The following CELF2 variants were observed in gnomAD, a reference collection of about 807,000 sequenced individuals.
CELF2 encodes the protein CUG triplet repeat RNA-binding protein 2.
Under a neutral mutation model 62.6 loss-of-function variants are expected in CELF2, and 8 were observed. The ratio of observed to expected loss-of-function variants is 0.13; its 90% CI spans 0.07 to 0.23. The LOEUF is 0.23. CELF2 is among the 10% of genes least tolerant of loss of function. CELF2 has a pLI of 1.00. For missense variants in CELF2, 333 were observed against 671.0 expected, an observed-to-expected ratio of 0.50 and a Z score of 5.56; for synonymous variants, 258 against 250.0, an observed-to-expected ratio of 1.03 and a Z score of -0.30.
At chr10:10,964,416 G>A (rs942214669) in intron 2 of CELF2, among the ~76,000 whole-genome samples, 9 of 152,068 alleles carry the variant, frequency 5.9e-5, no homozygotes, top group South Asian at 2.1e-4. Flanking sequence ...ATGTCATCTC[G>A]TGCCTTCAAA....
chr10:10,915,052 A>G (rs991101990), intron 1 of CELF2, among the ~76,000 whole-genome samples: 1 of 151,308 alleles, frequency 6.6e-6, no homozygotes, highest in Non-Finnish European at 1.5e-5. Context: ...GAAACACTTG[A>G]TCCTGGGAGG....
In CELF2 at chr10:11,008,740, A is replaced by G. The variant is rs564251275; in HGVS notation, c.53+3300A>G. Among the ~76,000 whole-genome samples the G allele has an allele frequency of 6.6e-6, 1 of 152,306 alleles. No individual in the cohort carries two copies. Among genetic ancestry groups the G allele is most frequent in the Non-Finnish European group, 1.5e-5 (1 of 68,008 alleles). The stretch of plus-strand genomic sequence containing the variant: ...GTATTTAAGGTGTCAGAATTCATAG[A>G]CGAAAAGCATACCTTGGTTTTGTCA... On this transcript the variant is annotated intron_variant, in intron 1 of 12. Coordinates refer to the CELF2 transcript ENST00000416382. The surrounding 1 kb of genome is among the most constrained non-coding windows in gnomAD (Gnocchi z 4.5).
At chr10:10,648,353 G>A in the CELF2 span, among the ~76,000 whole-genome samples, 10 of 152,142 alleles carry the variant, frequency 6.6e-5, no homozygotes, top group African/African-American at 2.4e-4. Flanking sequence ...GCCTTTACTA[G>A]GCTATAAAGT....
chr10:10,758,321 C>A, the CELF2 span, among the ~76,000 whole-genome samples: 3 of 152,184 alleles, frequency 2.0e-5, no homozygotes, highest in Non-Finnish European at 2.9e-5. Context: ...GCACCTTGGG[C>A]TCTTTTCATG....
chr10:11,001,409 C>T (rs2054505941), upstream of CELF2, among the ~76,000 whole-genome samples: 1 of 152,120 alleles, frequency 6.6e-6, no homozygotes, highest in South Asian at 2.1e-4. Context: ...ATGATACTTT[C>T]TATTACTTTT....
intron 1 of CELF2, among the ~76,000 whole-genome samples, chr10:11,116,231 G>C (rs1434722617): frequency 6.6e-6 from 1 of 152,218 alleles, no homozygotes; most frequent in Non-Finnish European, 1.5e-5. Flanking sequence ...AGTTGTAACT[G>C]TCAGTGAATG....
the CELF2 span, among the ~76,000 whole-genome samples, chr10:10,612,048 A>AC: frequency 6.6e-6 from 1 of 152,206 alleles, no homozygotes; most frequent in Non-Finnish European, 1.5e-5. Flanking sequence ...TGTGGCTCAC[A>AC]CAATCATTTG....
At chr10:10,572,308 G>C in the CELF2 span, among the ~76,000 whole-genome samples, 1 of 151,512 alleles carries the variant, frequency 6.6e-6, no homozygotes, top group Admixed American at 6.6e-5. Context: ...CAGGATTCAT[G>C]AAACAGTTTT....
At chr10:10,471,807 CTTTATA>C in the CELF2 span, among the ~76,000 whole-genome samples, 2 of 151,704 alleles carry the variant, frequency 1.3e-5, no homozygotes, top group South Asian at 2.1e-4. Flanking sequence ...AATTTTCTCA[CTTTATA>C]TTTATCTAAA....
In CELF2 at chr10:11,211,791, T is replaced by A. The variant is rs1019708625; in HGVS notation, c.272-5634T>A. 2.2e-5 allele frequency among the ~76,000 whole-genome samples: 3 copies of A among 135,664 alleles called. No individual in the cohort carries two copies. Among genetic ancestry groups the A allele is most frequent in the East Asian group, 2.2e-4 (1 of 4,522 alleles). 89.0% of individuals were successfully genotyped at this position (135,664 alleles called of 152,430 possible). On this transcript the variant is annotated intron_variant, in intron 2 of 12. Coordinates refer to ENST00000633077, the MANE Select transcript of CELF2 (RefSeq NM_001326342.2). The surrounding 1 kb of genome is among the most constrained non-coding windows in gnomAD (Gnocchi z 4.8). Reference sequence around the variant, plus strand: ...GAGTGAGAGTGTGTGTGTATGTGTGTGAGAGAGAGAGAGAGAGAGAGAGTG... The same window carrying A: ...GAGTGAGAGTGTGTGTGTATGTGTGAGAGAGAGAGAGAGAGAGAGAGAGTG...
chr10:10,802,616 T>C (rs1377589996), intron 1 of CELF2, among the ~76,000 whole-genome samples: 1 of 152,158 alleles, frequency 6.6e-6, no homozygotes, highest in Non-Finnish European at 1.5e-5. Flanking sequence ...GGTGTCTCCT[T>C]TACCCATGCA....
At chr10:10,735,010 C>T in the CELF2 span, among the ~76,000 whole-genome samples, 1 of 152,186 alleles carries the variant, frequency 6.6e-6, no homozygotes, top group African/African-American at 2.4e-5. Flanking sequence ...AAACCTTTTC[C>T]TGCCAGTTGT....
chr10:11,198,920 G>T (rs1166489378), intron 2 of CELF2, among the ~76,000 whole-genome samples: 1 of 152,190 alleles, frequency 6.6e-6, no homozygotes, highest in Non-Finnish European at 1.5e-5. Flanking sequence ...ATCACAGTCT[G>T]TCTTCAAACT....
chr10:10,697,651 A>T, the CELF2 span, among the ~76,000 whole-genome samples: 1 of 152,186 alleles, frequency 6.6e-6, no homozygotes, highest in Non-Finnish European at 1.5e-5. Context: ...CTGCATCCTC[A>T]CATGGCAAAA....
chr10:10,854,631 C>G (rs1333258902), intron 1 of CELF2, among the ~76,000 whole-genome samples: 3 of 152,026 alleles, frequency 2.0e-5, no homozygotes, highest in African/African-American at 7.2e-5. Flanking sequence ...CCAAATCCCT[C>G]TCTCCCCATT....
chr10:11,196,605 T>C (rs1268506605), intron 2 of CELF2, among the ~76,000 whole-genome samples: 1 of 151,642 alleles, frequency 6.6e-6, no homozygotes, highest in East Asian at 1.9e-4. Flanking sequence ...AGTTTGTGGT[T>C]ATACTGCACT....
chr10:11,194,462 T>C (rs2056877479), intron 2 of CELF2, among the ~76,000 whole-genome samples: 1 of 152,178 alleles, frequency 6.6e-6, no homozygotes, highest in Non-Finnish European at 1.5e-5. Context: ...GTAACGAACA[T>C]GTGTACACCT....
At chr10:10,795,742 A>G (rs528160589), upstream of CELF2, among the ~76,000 whole-genome samples, 1 of 142,598 alleles carries the variant, frequency 7.0e-6, no homozygotes, top group Admixed American at 7.2e-5. Flanking sequence ...ACACACTTGG[A>G]CTTTGAAATT....
At chr10:11,281,551 C>G (rs1202159321) in intron 8 of CELF2, among the ~76,000 whole-genome samples, 3 of 152,012 alleles carry the variant, frequency 2.0e-5, no homozygotes, top group African/African-American at 7.3e-5. Flanking sequence ...CACTTGAGCC[C>G]CGGAGTTCCC....
Sources: allele counts gnomAD v4.1 joint callset (sites outside exome capture counted in the v4.1 genomes callset), GRCh38; gene constraint gnomAD v4.1.1; non-coding constraint Gnocchi (gnomAD v3.1); transcripts MANE v1.5; gene names NCBI Gene and HGNC (gene_info 2026-07-23, HGNC 2026-07-21).